Variants in CHD2 observed in about 807,000 individuals in gnomAD.
The protein encoded by CHD2 is ATP-dependent chromatin remodeler CHD2.
CHD2 carries 28 observed loss-of-function variants against 243.9 expected under a neutral mutation model. The ratio of observed to expected loss-of-function variants is 0.11; its 90% CI spans 0.09 to 0.16. The LOEUF (loss-of-function observed/expected upper bound fraction) is 0.16. Ranked by LOEUF, CHD2 falls within the 10% of genes least tolerant of loss-of-function variation. CHD2 has a pLI of 1.00. For missense variants in CHD2, 1,386 were observed against 2,209.8 expected, an observed-to-expected ratio of 0.63 and a Z score of 7.47; for synonymous variants, 775 against 779.0, an observed-to-expected ratio of 0.99 and a Z score of 0.09.
intron 2 of CHD2, among the ~76,000 whole-genome samples, chr15:92,917,835 A>T (rs1211737417): frequency 1.3e-5 from 2 of 152,198 alleles, no homozygotes; most frequent in East Asian, 3.8e-4. Flanking sequence ...ATAGGTAAGG[A>T]TTAGGAGAAT....
At position 92,900,704 on chromosome 15, in the gene CHD2, GTTATT is replaced by G. The variant is rs1297693283; in HGVS notation, c.-185_-181del. The G allele has an allele frequency of 2.5e-6, 1 of 397,162 alleles. No homozygotes were observed. Among genetic ancestry groups the G allele is most frequent in the Non-Finnish European group, 4.4e-6 (1 of 225,882 alleles). The allele number at this position is 397,162 out of a possible 1,614,324, so 24.6% of individuals were successfully genotyped here. A position where few individuals can be genotyped will look rare whatever the true frequency, so the allele number is the denominator to read the frequency against. ...TTTTGACCAGTTAACATATTTGAGG[GTTATT>G]TTATTTATTTTTCGTTTTTTAACGG... On this transcript the variant is annotated 5_prime_UTR_variant, in exon 1 of 39. Coordinates refer to ENST00000394196, the MANE Select transcript of CHD2 (RefSeq NM_001271.4).
chr15:92,940,901 TAA>T (rs2053361108), intron 7 of CHD2, among the ~76,000 whole-genome samples: 1 of 86,642 alleles, frequency 1.2e-5, no homozygotes, highest in Non-Finnish European at 2.3e-5. Context: ...AAAATATATA[TAA>T]ATATATATAT....
intron 2 of CHD2, 77 bp downstream of exon 2, chr15:92,901,376 C>T (rs1470081590): frequency 1.2e-6 from 1 of 853,588 alleles, no homozygotes; most frequent in South Asian, 1.5e-5. Context: ...TTTACCTTGA[C>T]AGACATGGAT....
intron 26 of CHD2, among the ~76,000 whole-genome samples, chr15:92,990,450 T>C (rs1207768918): frequency 6.6e-6 from 1 of 152,226 alleles, no homozygotes. Flanking sequence ...TATGCCAGCA[T>C]TCCTATTGCT....
rs759986107 is a variant in CHD2 at position 93,004,792 on chromosome 15, G to A, written c.4413+41G>A. On this transcript the variant is annotated intron_variant, in intron 34 of 38. Transcript: ENST00000394196. ...GGGGGGTGCCAGTGTCTGCAGCCGCGGTACTTGCTGTGGCTCTGCCTTTTA... is the reference window on the plus strand; with the variant it reads ...GGGGGGTGCCAGTGTCTGCAGCCGCAGTACTTGCTGTGGCTCTGCCTTTTA... 39 of 1,593,410 alleles carry A rather than the reference G, an allele frequency of 2.4e-5. No homozygotes were observed. In the East Asian group the frequency reaches 2.9e-4, roughly 12 times the overall value.
At chr15:92,909,693 C>A (rs553390682) in intron 2 of CHD2, among the ~76,000 whole-genome samples, 1 of 152,076 alleles carries the variant, frequency 6.6e-6, no homozygotes, top group African/African-American at 2.4e-5. Context: ...TGTGTACCAC[C>A]CCACCTGTCT....
chr15:92,991,384 A>C, intron 26 of CHD2, 92 bp from the exon 27 acceptor site: 1 of 840,522 alleles, frequency 1.2e-6, no homozygotes, highest in Non-Finnish European at 1.8e-6. Context: ...GACAATTTGC[A>C]TGGCTCATAT....
At position 92,946,099 on chromosome 15, in the gene CHD2, C is replaced by T. The variant is rs772268139; in HGVS notation, c.1260C>T (p.Leu420=). The T allele has an allele frequency of 6.2e-7, 1 of 1,612,886 alleles. No homozygotes were observed. Among genetic ancestry groups the T allele is most frequent in the Non-Finnish European group, 8.5e-7 (1 of 1,179,208 alleles). The change falls in exon 12 of 39, where the codon CTC becomes CTT. Residue 420 remains leucine, a synonymous_variant. Transcript: ENST00000394196. ...AATATCTATGTAAATGGATGGGACT[C>T]CCCTATTCAGAGTGTAGCTGGGAAG... is the stretch of plus-strand genomic sequence containing the variant. ...EPEYLCKWMG[L]PYSECSWEDE...
chr15:92,943,856 T>A (rs2053420643), intron 9 of CHD2: 1 of 152,324 alleles, frequency 6.6e-6, no homozygotes, highest in Admixed American at 6.5e-5. Flanking sequence ...TTTAGTAAAT[T>A]ACATGTTTTT....
At chr15:92,943,420 C>A in intron 9 of CHD2, 1 of 278,358 alleles carries the variant, frequency 3.6e-6, no homozygotes, top group Non-Finnish European at 7.0e-6. Context: ...TTCTGATGCC[C>A]TGAATCCAGA....
chr15:92,949,116 C>G (rs1487177752), intron 13 of CHD2, 40 bp downstream of exon 13: 2 of 1,592,972 alleles, frequency 1.3e-6, no homozygotes, highest in Non-Finnish European at 1.7e-6. Flanking sequence ...CTTACTGTTT[C>G]TGGCTTCTTT....
chr15:92,967,811 A>G (rs556220933), intron 17 of CHD2, among the ~76,000 whole-genome samples: 1 of 152,132 alleles, frequency 6.6e-6, no homozygotes, highest in South Asian at 2.1e-4. Flanking sequence ...TTATTAAGCA[A>G]AATTTCAATA....
In CHD2 at chr15:93,014,714, G is replaced by A. The variant is rs780123418; in HGVS notation, c.4711G>A (p.Asp1571Asn). The change falls in exon 37 of 39, where the codon GAC becomes AAC. Residue 1571 changes from aspartate to asparagine, a missense_variant. Physicochemically the swap from Asp to Asn is conservative, Grantham distance 23 (BLOSUM62 1). Around this residue, in one of 19 missense-constraint regions of CHD2, gnomAD observed 347 missense variants for 341.6 expected, o/e 1.02. Transcript: ENST00000394196. ...QEEEEQKKKD[D>N]VTGGKKPFRP... Reference sequence around the variant, plus strand: ...TCTTTAGGAGCAAAAGAAGAAAGACGACGTGACTGGGGGTAAGAAACCATT... The same window carrying A: ...TCTTTAGGAGCAAAAGAAGAAAGACAACGTGACTGGGGGTAAGAAACCATT... 1.2e-6 allele frequency: 2 copies of A among 1,613,922 alleles called. No homozygotes were observed. The highest frequency in any genetic ancestry group is 1.7e-5 in the Admixed American group (1 of 59,984).
intron 2 of CHD2, among the ~76,000 whole-genome samples, chr15:92,917,742 A>G (rs1405176415): frequency 1.3e-5 from 2 of 152,216 alleles, no homozygotes; most frequent in Non-Finnish European, 2.9e-5. Flanking sequence ...GATAGTTGAT[A>G]GTGTGGATTG....
chr15:92,989,252 G>A (rs1271130268), intron 26 of CHD2, among the ~76,000 whole-genome samples: 2 of 151,898 alleles, frequency 1.3e-5, no homozygotes, highest in East Asian at 1.9e-4. Flanking sequence ...GGCTGGTCTC[G>A]AACGCCTGAC....
At chr15:92,955,101 C>T (rs2053602571) in intron 14 of CHD2, among the ~76,000 whole-genome samples, 1 of 152,108 alleles carries the variant, frequency 6.6e-6, no homozygotes, top group Admixed American at 6.6e-5. Flanking sequence ...TTCTAAGGAT[C>T]TGGGAGATCC....
intron 2 of CHD2, among the ~76,000 whole-genome samples, chr15:92,918,012 T>G (rs1037166870): frequency 6.6e-6 from 1 of 152,226 alleles, no homozygotes; most frequent in African/African-American, 2.4e-5. Context: ...TGCCAACCAG[T>G]TCGGCCATTT....
Position 93,002,271 on chromosome 15 carries a change from A to G in CHD2, c.4232A>G (p.Lys1411Arg). The change falls in exon 33 of 39, where the codon AAA (lysine) becomes AGA (arginine). Residue 1411 changes from lysine (K) to arginine (R), a missense_variant. Physicochemically the swap from Lys to Arg is conservative, Grantham distance 26. Around this residue, in one of 19 missense-constraint regions of CHD2, gnomAD observed 125 missense variants for 128.9 expected, o/e 0.97. Coordinates refer to ENST00000394196, the MANE Select transcript of CHD2 (RefSeq NM_001271.4). ...AAACAAATGAGTTCTAGGAAAGACA[A>G]AGAAGGGGACAAGGAAAGAAAGAAG... is the stretch of plus-strand genomic sequence containing the variant. ...KEKQMSSRKD[K>R]EGDKERKKSK... 3 of 1,602,922 alleles carry G rather than the reference A, an allele frequency of 1.9e-6. No individual in the cohort carries two copies. Among genetic ancestry groups the G allele is most frequent in the Non-Finnish European group, 2.6e-6 (3 of 1,175,052 alleles).
intron 6 of CHD2, among the ~76,000 whole-genome samples, chr15:92,938,759 C>T (rs1395959162): frequency 2.0e-5 from 3 of 152,212 alleles, no homozygotes; most frequent in Non-Finnish European, 2.9e-5. Context: ...TCTCTGACTT[C>T]TTTCACCTTT....
Sources: allele counts gnomAD v4.1 joint callset (sites outside exome capture counted in the v4.1 genomes callset), GRCh38; gene constraint gnomAD v4.1.1; regional missense constraint gnomAD v4.1.1; transcripts MANE v1.5; gene names NCBI Gene and HGNC (gene_info 2026-07-23, HGNC 2026-07-21).